Variants in PSAP observed in about 807,000 individuals in gnomAD.
PSAP encodes the protein prosaposin.
In PSAP, 25 loss-of-function variants were observed where a neutral mutation model predicts 66.0. That is an observed-to-expected ratio of 0.38 (90% CI 0.28 to 0.53). The LOEUF is 0.53. PSAP is among the 20% of genes least tolerant of loss of function. The pLI, the probability that PSAP is intolerant of heterozygous loss-of-function variation, is 0.83. For missense variants in PSAP, 649 were observed against 668.8 expected, an observed-to-expected ratio of 0.97 and a Z score of 0.33; for synonymous variants, 273 against 258.9, an observed-to-expected ratio of 1.05 and a Z score of -0.52.
At chr10:71,827,780 C>T (rs1210952214) in intron 6 of PSAP, among the ~76,000 whole-genome samples, 6 of 151,440 alleles carry the variant, frequency 4.0e-5, no homozygotes, top group South Asian at 2.1e-4. Flanking sequence ...GTTCCTAATA[C>T]ACAGGGTGCC....
In PSAP at chr10:71,827,306, G is replaced by A. The variant is rs184580048; in HGVS notation, c.720+708C>T. Among the ~76,000 whole-genome samples, 94 of 152,100 alleles carry A rather than the reference G, an allele frequency of 6.2e-4. 3 individuals are homozygous for A. Among genetic ancestry groups the A allele is most frequent in the African/African-American group, 1.6e-3 (68 of 41,504 alleles). On this transcript the variant is annotated intron_variant, in intron 6 of 13. Transcript: ENST00000394936. ...CCCAGCTACTCAGGAGGCTGAGGCA[G>A]GAGAATGGCGTGAACCCGGGAGGCG...
At chr10:71,817,808 A>G (rs553592704) in intron 13 of PSAP, among the ~76,000 whole-genome samples, 1 of 152,310 alleles carries the variant, frequency 6.6e-6, no homozygotes, top group South Asian at 2.1e-4. Context: ...ACTAACTCCC[A>G]GGCAGAACCT....
chr10:71,829,941 C>T (rs1842478188), intron 4 of PSAP, among the ~76,000 whole-genome samples: 1 of 152,050 alleles, frequency 6.6e-6, no homozygotes, highest in African/African-American at 2.4e-5. Context: ...GAGGTGCTGT[C>T]AGTCAAGATC....
intron 3 of PSAP, 152 bp from the exon 4 acceptor site, chr10:71,831,403 G>A: frequency 1.1e-6 from 1 of 925,800 alleles, no homozygotes; most frequent in Non-Finnish European, 1.7e-6. Context: ...GTTACCTATG[G>A]CTCTATTAGG....
chr10:71,821,948 C>T lies in PSAP; in HGVS notation c.837G>A (p.Met279Ile). 2 of 1,614,220 alleles carry T rather than the reference C, an allele frequency of 1.2e-6. No homozygotes were observed. The highest frequency in any genetic ancestry group is 1.7e-6 in the Non-Finnish European group (2 of 1,180,040). Residue 279 changes from methionine (M) to isoleucine (I), a missense_variant, in exon 8 of 14, where the codon ATG becomes ATA. Transcript: ENST00000394936. ...CCACTTTGGCGGGGACCAGAGTCTG[C>T]ATGGGCATCTCTTTCACCTCATCAC... Reference protein sequence around the residue: ...GFCDEVKEMPMQTLVPAKVAS... With the variant: ...GFCDEVKEMPIQTLVPAKVAS...
intron 1 of PSAP, among the ~76,000 whole-genome samples, chr10:71,835,135 G>A (rs1304847892): frequency 6.6e-6 from 1 of 151,924 alleles, no homozygotes; most frequent in Non-Finnish European, 1.5e-5. Flanking sequence ...CCAGCTACTC[G>A]GGAGGCTGAG....
chr10:71,818,988 G>C, intron 12 of PSAP, 43 bp downstream of exon 12: 6 of 1,569,248 alleles, frequency 3.8e-6, no homozygotes, highest in Non-Finnish European at 5.3e-6. Context: ...AGCCCCCCAG[G>C]TTACAGCTGC....
chr10:71,820,361 C>T, intron 8 of PSAP, 26 bp from the exon 9 acceptor site: 1 of 1,582,334 alleles, frequency 6.3e-7, no homozygotes, highest in Non-Finnish European at 8.7e-7. Context: ...AAGGAGAGTA[C>T]TTTCAATGCT....
At chr10:71,840,445 T>C (rs1429699994) in intron 1 of PSAP, among the ~76,000 whole-genome samples, 3 of 152,262 alleles carry the variant, frequency 2.0e-5, no homozygotes, top group Non-Finnish European at 2.9e-5. Flanking sequence ...AAACAGCTAT[T>C]GCCACAAATA....
chr10:71,840,065 GACA>G (rs1005146880), intron 1 of PSAP, among the ~76,000 whole-genome samples: 4 of 151,908 alleles, frequency 2.6e-5, no homozygotes, highest in Non-Finnish European at 4.4e-5. Context: ...AAAATGACAG[GACA>G]ACATTTCCTA....
At chr10:71,828,561 C>CT (rs1842441184) in intron 5 of PSAP, among the ~76,000 whole-genome samples, 1 of 152,212 alleles carries the variant, frequency 6.6e-6, no homozygotes. Flanking sequence ...GGGAGGATCA[C>CT]TTAAGCCTCA....
At chr10:71,830,706 C>T (rs1388897655) in intron 4 of PSAP, among the ~76,000 whole-genome samples, 1 of 152,192 alleles carries the variant, frequency 6.6e-6, no homozygotes, top group Non-Finnish European at 1.5e-5. Context: ...GGGTTTGTGT[C>T]TGTGTACAAT....
chr10:71,829,378 AG>A (rs1842466385), intron 4 of PSAP, among the ~76,000 whole-genome samples: 1 of 152,110 alleles, frequency 6.6e-6, no homozygotes, highest in Admixed American at 6.5e-5. Context: ...GTGTCATGTG[AG>A]GGACCTAGTG....
At chr10:71,817,547 G>T in intron 13 of PSAP, 71 bp from the exon 14 acceptor site, 1 of 1,452,130 alleles carries the variant, frequency 6.9e-7, no homozygotes, top group Non-Finnish European at 9.7e-7. Flanking sequence ...CAATGTATCA[G>T]ATATCACCCC....
At chr10:71,826,368 T>A (rs1842399420) in intron 6 of PSAP, among the ~76,000 whole-genome samples, 1 of 152,206 alleles carries the variant, frequency 6.6e-6, no homozygotes, top group East Asian at 1.9e-4. Context: ...ACAATCTAGA[T>A]ACTTCCAGTA....
chr10:71,844,043 T>G (rs1842777125), intron 1 of PSAP, among the ~76,000 whole-genome samples: 1 of 152,236 alleles, frequency 6.6e-6, no homozygotes, highest in Non-Finnish European at 1.5e-5. Context: ...TAGGATATAT[T>G]GTTTAAGAAA....
At position 71,851,233 on chromosome 10, in the gene PSAP, A is replaced by ACTCCG. The variant is rs891422002; in HGVS notation, c.-17_-13dup. On this transcript the variant is annotated 5_prime_UTR_variant, in exon 1 of 14. Transcript: ENST00000394936. The stretch of plus-strand genomic sequence containing the variant: ...AAGAGGGCGTACATAGCGCCGTCTG[A>ACTCCG]CTCCGCAGTCTGCAATGCGGAGCGT... 6.4e-7 allele frequency: 1 copy of ACTCCG among 1,550,714 alleles called. No homozygotes were observed. The highest frequency in any genetic ancestry group is 2.0e-5 in the Admixed American group (1 of 50,994).
intron 1 of PSAP, among the ~76,000 whole-genome samples, chr10:71,839,604 C>A (rs928783773): frequency 1.3e-5 from 2 of 152,120 alleles, no homozygotes; most frequent in African/African-American, 4.8e-5. Flanking sequence ...CCTGTAACCC[C>A]AGTACTTTGG....
At chr10:71,851,147 C>T (rs1438375830) in intron 1 of PSAP, 35 bp downstream of exon 1, 5 of 1,549,670 alleles carry the variant, frequency 3.2e-6, no homozygotes, top group Non-Finnish European at 4.4e-6. Flanking sequence ...CGCTGCGAGG[C>T]ACCTCCTCCC....
Sources: gnomAD v4.1 joint callset for allele counts (sites outside exome capture counted in the v4.1 genomes callset) on GRCh38, gnomAD v4.1.1 for gene constraint, MANE v1.5 for transcripts, NCBI Gene and HGNC (gene_info 2026-07-23, HGNC 2026-07-21) for gene names.